Variants in FRMPD4 observed in about 807,000 individuals in gnomAD.
FRMPD4 encodes the protein FERM and PDZ domain-containing protein 4.
A neutral mutation model predicts 94.1 loss-of-function variants in FRMPD4; 22 were observed. That is an observed-to-expected ratio of 0.23 (90% CI 0.17 to 0.33). The LOEUF is 0.33. Among genes scored for constraint, FRMPD4 ranks in the 10% least tolerant of loss-of-function variants. FRMPD4 has a pLI of 1.00. For missense variants in FRMPD4, 1,111 were observed against 1,339.9 expected (o/e 0.83, Z 2.67); for synonymous variants, 631 against 548.6 (o/e 1.15, Z -2.10).
chrX:11,919,234 C>G lies in FRMPD4; in HGVS notation c.95+41216C>G, dbSNP rs183027646. ...CCTCCCATCTCCCCATTGTAACAAACAAAAATATATCTCAGCATTGTCTAA... is the reference window on the plus strand; with the variant it reads ...CCTCCCATCTCCCCATTGTAACAAAGAAAAATATATCTCAGCATTGTCTAA... On this transcript the variant is annotated intron_variant, in intron 3 of 18. Transcript: ENST00000640291. Among the ~76,000 whole-genome samples, 7 of 112,348 alleles carry G rather than the reference C, an allele frequency of 6.2e-5. 1 individual carries two copies. Among genetic ancestry groups the G allele is most frequent in the Admixed American group, 5.6e-4 (6 of 10,631 alleles).
chrX:12,296,772 C>T lies in FRMPD4; in HGVS notation c.41+157760C>T, dbSNP rs1601790861. On this transcript the variant is annotated intron_variant, in intron 1 of 16. Coordinates refer to ENST00000675598, the MANE Select transcript of FRMPD4 (RefSeq NM_001368397.1). Reference sequence around the variant, plus strand: ...GGGGTAGATGTTCTCCCTTCAAGTGCACAAAACCCTAATGAGGTATAGTCA... The same window carrying T: ...GGGGTAGATGTTCTCCCTTCAAGTGTACAAAACCCTAATGAGGTATAGTCA... Among the ~76,000 whole-genome samples the T allele has an allele frequency of 4.4e-5, 5 of 112,449 alleles. No homozygotes were observed. The Admixed American group carries it at 4.7e-4, about 10-fold the overall frequency.
intron 1 of FRMPD4, among the ~76,000 whole-genome samples, chrX:12,277,036 G>A (rs1471453069): frequency 9.7e-5 from 10 of 102,890 alleles, no homozygotes; most frequent in African/African-American, 3.2e-4. Context: ...CAGGAGAATG[G>A]CGTGAACCCG....
Position 12,138,607 on chromosome X carries a change from C to A in FRMPD4, c.-365C>A. Reference sequence around the variant, plus strand: ...GCCAGAGCAGCGCCTCTCGCCCAGGCCTCGCTTTCTCTGGACGCCCGGCAG... The same window carrying A: ...GCCAGAGCAGCGCCTCTCGCCCAGGACTCGCTTTCTCTGGACGCCCGGCAG... On this transcript the variant is annotated 5_prime_UTR_variant, in exon 1 of 17. Transcript: ENST00000675598. 1 of 283,515 alleles carries A rather than the reference C, an allele frequency of 3.5e-6. No homozygotes were observed. Among genetic ancestry groups the A allele is most frequent in the Non-Finnish European group, 6.2e-6 (1 of 161,610 alleles). The allele number at this position is 283,515 out of a possible 1,213,427, so 23.4% of individuals were successfully genotyped here.
At chrX:12,448,924 A>G (rs2057232174) in intron 1 of FRMPD4, among the ~76,000 whole-genome samples, 1 of 111,374 alleles carries the variant, frequency 9.0e-6, no homozygotes, top group Non-Finnish European at 1.9e-5. Flanking sequence ...GTTGATGCTT[A>G]AGGGTGCTTA....
Position 12,091,779 on chromosome X carries a change from C to T in FRMPD4, c.95+213761C>T, listed in dbSNP as rs766062332. Among the ~76,000 whole-genome samples, 6 of 111,496 alleles carry T rather than the reference C, an allele frequency of 5.4e-5. No individual in the cohort carries two copies. In the East Asian group the frequency reaches 1.4e-3, roughly 26 times the overall value. ...ACATCCTACAATATGCAGGGTATCC[C>T]CACAGTAAAGGATTATATGGTCCCA... On this transcript the variant is annotated intron_variant, in intron 3 of 18. Transcript: ENST00000640291.
chrX:12,567,601 A>AC (rs773489217), intron 2 of FRMPD4, among the ~76,000 whole-genome samples: 6 of 112,030 alleles, frequency 5.4e-5, no homozygotes, highest in Non-Finnish European at 9.4e-5. Context: ...ATAGTTGGGT[A>AC]GATGGGGTGA....
chrX:12,447,914 A>G (rs917244752), intron 1 of FRMPD4, among the ~76,000 whole-genome samples: 2 of 112,155 alleles, frequency 1.8e-5, no homozygotes, highest in Non-Finnish European at 3.8e-5. Context: ...ATCTGCTTTC[A>G]TAATATAAAG....
intron 2 of FRMPD4, among the ~76,000 whole-genome samples, chrX:12,520,152 C>G (rs912751018): frequency 8.0e-5 from 9 of 111,832 alleles, no homozygotes; most frequent in African/African-American, 2.9e-4. Context: ...ACCCAGATGT[C>G]CATCAACAGA....
chrX:12,616,515 C>T (rs1260412151), intron 4 of FRMPD4, among the ~76,000 whole-genome samples: 2 of 112,201 alleles, frequency 1.8e-5, no homozygotes, highest in Non-Finnish European at 3.8e-5. Context: ...CATACTTGTA[C>T]TCCTGGGGCA....
At chrX:12,389,905 TG>T (rs1456266921) in intron 1 of FRMPD4, among the ~76,000 whole-genome samples, 3 of 111,869 alleles carry the variant, frequency 2.7e-5, no homozygotes, top group African/African-American at 9.7e-5. Flanking sequence ...CTTTGTCTTT[TG>T]ATGTTATGTA....
intron 1 of FRMPD4, among the ~76,000 whole-genome samples, chrX:12,235,990 C>A (rs1188535814): frequency 9.0e-6 from 1 of 111,271 alleles, no homozygotes; most frequent in Non-Finnish European, 1.9e-5. Flanking sequence ...ACCACCTGCC[C>A]CTCCGGCCTA....
intron 1 of FRMPD4, among the ~76,000 whole-genome samples, chrX:12,291,374 C>T (rs756462277): frequency 9.0e-6 from 1 of 111,592 alleles, no homozygotes; most frequent in African/African-American, 3.3e-5. Context: ...TTATGGTTTC[C>T]AGAGGATTGT....
chrX:12,172,668 A>G (rs1167999335), intron 1 of FRMPD4, among the ~76,000 whole-genome samples: 1 of 111,898 alleles, frequency 8.9e-6, no homozygotes, highest in Non-Finnish European at 1.9e-5. Context: ...GAGAAACAGC[A>G]GGAGGAGTAG....
upstream of FRMPD4, among the ~76,000 whole-genome samples, chrX:12,137,190 T>C (rs770887373): frequency 1.8e-5 from 2 of 112,353 alleles, no homozygotes; most frequent in South Asian, 7.5e-4. Flanking sequence ...GCCTGTTTAA[T>C]AGAAGCTGCA....
intron 1 of FRMPD4, among the ~76,000 whole-genome samples, chrX:12,433,554 T>C (rs2057031758): frequency 8.9e-6 from 1 of 112,123 alleles, no homozygotes. Context: ...AGAATGCAGA[T>C]GATTCAAAAA....
At chrX:12,360,864 A>G (rs753759408) in intron 1 of FRMPD4, among the ~76,000 whole-genome samples, 18 of 101,676 alleles carry the variant, frequency 1.8e-4, no homozygotes, top group African/African-American at 6.2e-4. Context: ...TTTATGGTTT[A>G]TTTATTTTCT....
At chrX:12,627,150 C>G (rs1216697059) in intron 4 of FRMPD4, among the ~76,000 whole-genome samples, 1 of 111,682 alleles carries the variant, frequency 9.0e-6, no homozygotes, top group Non-Finnish European at 1.9e-5. Context: ...GTGGCGCATG[C>G]CTGTAGTCCC....
intron 1 of FRMPD4, among the ~76,000 whole-genome samples, chrX:12,489,040 G>A (rs1370167803): frequency 9.0e-6 from 1 of 111,670 alleles, no homozygotes; most frequent in Non-Finnish European, 1.9e-5. Context: ...AAGAGCTTAT[G>A]ACTCATGAAT....
intron 3 of FRMPD4, among the ~76,000 whole-genome samples, chrX:12,097,278 A>G (rs774853337): frequency 8.0e-5 from 9 of 112,079 alleles, no homozygotes; most frequent in African/African-American, 2.9e-4. Context: ...TCAGCTCTGC[A>G]TTCAGGCCTG....
Sources: gnomAD v4.1 joint callset for allele counts (sites outside exome capture counted in the v4.1 genomes callset) on GRCh38, gnomAD v4.1.1 for gene constraint, MANE v1.5 for transcripts, NCBI Gene and HGNC (gene_info 2026-07-23, HGNC 2026-07-21) for gene names.